Variants in ZNF827 observed in about 807,000 individuals in gnomAD.
The protein encoded by ZNF827 is zinc finger protein 827.
ZNF827 carries 13 observed loss-of-function variants against 102.4 expected under a neutral mutation model. That is an observed-to-expected ratio of 0.13 (90% CI 0.08 to 0.20). The LOEUF (loss-of-function observed/expected upper bound fraction) is 0.20. ZNF827 is among the 10% of genes least tolerant of loss of function. The pLI, the probability that ZNF827 is intolerant of heterozygous loss-of-function variation, is 1.00. For synonymous variants in ZNF827, 523 were observed against 536.2 expected (o/e 0.98, Z 0.34); for missense variants, 1,103 against 1,344.4 (o/e 0.82, Z 2.81).
chr4:145,937,226 G>T (rs1388189962), intron 1 of ZNF827, among the ~76,000 whole-genome samples: 1 of 152,066 alleles, frequency 6.6e-6, no homozygotes, highest in African/African-American at 2.4e-5. Context: ...GGGACCGGGG[G>T]CGCGGGTGGA....
intron 7 of ZNF827, among the ~76,000 whole-genome samples, chr4:145,843,663 T>C (rs1745639462): frequency 6.6e-6 from 1 of 152,200 alleles, no homozygotes; most frequent in African/African-American, 2.4e-5. Flanking sequence ...TAGATCATGC[T>C]AGTGGGGTCC....
intron 8 of ZNF827, among the ~76,000 whole-genome samples, chr4:145,807,374 AAG>A (rs1741557419): frequency 6.6e-6 from 1 of 152,210 alleles, no homozygotes; most frequent in Non-Finnish European, 1.5e-5. Flanking sequence ...AAACTAGAAG[AAG>A]AGAGACAAGG....
Position 145,843,224 on chromosome 4 carries a change from G to GAAA in ZNF827, c.2279+2729_2279+2731dup, listed in dbSNP as rs56080563. On this transcript the variant is annotated intron_variant, in intron 7 of 14. Transcript: ENST00000508784. ...TCAAGTAAGCTGCCTCTACTCAAAG[G>GAAA]AAAAAAAAAAAAACCACACCGAGGA... Among the ~76,000 whole-genome samples the GAAA allele has an allele frequency of 5.6e-5, 8 of 142,838 alleles. No homozygotes were observed. The East Asian group carries it at 8.1e-4, about 14-fold the overall frequency. The allele number at this position is 142,838 out of a possible 152,430, so 93.7% of individuals were successfully genotyped here.
Position 145,763,045 on chromosome 4 carries a change from C to T in ZNF827, c.*17+45G>A. 6.6e-7 allele frequency: 1 copy of T among 1,511,388 alleles called. No individual in the cohort carries two copies. The highest frequency in any genetic ancestry group is 8.9e-7 in the Non-Finnish European group (1 of 1,128,194). 93.6% of individuals were successfully genotyped at this position (1,511,388 alleles called of 1,614,324 possible). On this transcript the variant is annotated intron_variant, in intron 14 of 14. Transcript: ENST00000508784. This position sits in a 1 kb window ranked among gnomAD's most constrained non-coding sequence, Gnocchi z 4.6. ...CACGAGAGAAATATAAAGCCCATTCCCAGGTCAGGTGCACACACAACCCCT... is the reference window on the plus strand; with the variant it reads ...CACGAGAGAAATATAAAGCCCATTCTCAGGTCAGGTGCACACACAACCCCT...
At chr4:145,861,571 A>C (rs1013744742) in intron 5 of ZNF827, among the ~76,000 whole-genome samples, 7 of 152,202 alleles carry the variant, frequency 4.6e-5, no homozygotes, top group Admixed American at 3.9e-4. Context: ...TAACATCTGT[A>C]GTCATTTATA....
chr4:145,867,616 T>C (rs1043871783), intron 5 of ZNF827, among the ~76,000 whole-genome samples: 6 of 152,234 alleles, frequency 3.9e-5, no homozygotes, highest in African/African-American at 1.2e-4. Context: ...ACATCTTAGC[T>C]ACTCCTTGGG....
In ZNF827 at chr4:145,763,972, C is replaced by T. The variant is rs1734898019; in HGVS notation, c.3231-850G>A. 2.0e-5 allele frequency among the ~76,000 whole-genome samples: 3 copies of T among 152,130 alleles called. No homozygotes were observed. Among genetic ancestry groups the T allele is most frequent in the African/African-American group, 7.2e-5 (3 of 41,416 alleles). On this transcript the variant is annotated intron_variant, in intron 13 of 14. Coordinates refer to ENST00000508784, the MANE Select transcript of ZNF827 (RefSeq NM_001306215.2). This position sits in a 1 kb window ranked among gnomAD's most constrained non-coding sequence, Gnocchi z 4.6. ...CAGGGGCCTGGGGGGACCCAACCTG[C>T]ACTGACCCCAACACTCCACTCCCAG...
chr4:145,797,996 C>T (rs1482476977), intron 8 of ZNF827, among the ~76,000 whole-genome samples: 1 of 152,132 alleles, frequency 6.6e-6, no homozygotes, highest in Non-Finnish European at 1.5e-5. Flanking sequence ...TTCTCCCTCA[C>T]CGAATTTAAG....
At chr4:145,849,985 C>T (rs898289338) in intron 5 of ZNF827, among the ~76,000 whole-genome samples, 10 of 151,948 alleles carry the variant, frequency 6.6e-5, no homozygotes, top group Admixed American at 5.2e-4. Context: ...GAGCAAGCAT[C>T]TTAATATTAT....
intron 5 of ZNF827, among the ~76,000 whole-genome samples, chr4:145,852,329 T>G (rs1746615155): frequency 6.6e-6 from 1 of 152,228 alleles, no homozygotes; most frequent in Non-Finnish European, 1.5e-5. Flanking sequence ...TTTTAAAAGC[T>G]TCCTGGGATC....
At chr4:145,816,967 G>A (rs147532792) in intron 8 of ZNF827, among the ~76,000 whole-genome samples, 16 of 152,150 alleles carry the variant, frequency 1.1e-4, no homozygotes, top group African/African-American at 3.6e-4. Context: ...AAGCAAATGT[G>A]CACTCCTATT....
intron 8 of ZNF827, among the ~76,000 whole-genome samples, chr4:145,781,393 G>A (rs1560915050): frequency 6.6e-6 from 1 of 152,028 alleles, no homozygotes; most frequent in East Asian, 1.9e-4. Flanking sequence ...TGCCAGATAG[G>A]GAAGAAGAAA....
At chr4:145,850,224 G>A (rs1221701102) in intron 5 of ZNF827, among the ~76,000 whole-genome samples, 1 of 152,098 alleles carries the variant, frequency 6.6e-6, no homozygotes, top group Non-Finnish European at 1.5e-5. Flanking sequence ...TGACCAGGCT[G>A]GTCTTCAACT....
intron 6 of ZNF827, among the ~76,000 whole-genome samples, chr4:145,848,796 G>A (rs1405125816): frequency 6.6e-6 from 1 of 152,104 alleles, no homozygotes; most frequent in Non-Finnish European, 1.5e-5. Context: ...ACAAAAAGTT[G>A]GTTTACCGAA....
Position 145,765,696 on chromosome 4 carries a change from G to A in ZNF827, c.2903C>T (p.Ser968Leu). Residue 968 changes from serine (S) to leucine (L), a missense_variant, in exon 12 of 15, where the codon TCA becomes TTA. By Grantham distance (145) the Ser-to-Leu change is moderately radical. Coordinates refer to ENST00000508784, the MANE Select transcript of ZNF827 (RefSeq NM_001306215.2). This position sits in a 1 kb window ranked among gnomAD's most constrained non-coding sequence, Gnocchi z 4.7. ...KTPSESNSPS[S>L]SSLSALSDSA... ...ATCACTCAGAGCTGAGAGGGAGGAT[G>A]AAGAGGGGCTATTTGATTCGCTGGG... 2 of 1,614,170 alleles carry A rather than the reference G, an allele frequency of 1.2e-6. No homozygotes were observed. The highest frequency in any genetic ancestry group is 1.7e-6 in the Non-Finnish European group (2 of 1,180,016).
At position 145,938,577 on chromosome 4, in the gene ZNF827, G is replaced by T; in HGVS notation, c.-170C>A. ...TGCAATGGGTTGAAGCTTGTTTCCT[G>T]GAGCCAGAAGAGGGGTTTTCTTCTT... On this transcript the variant is annotated 5_prime_UTR_variant, in exon 1 of 15. Coordinates refer to ENST00000508784, the MANE Select transcript of ZNF827 (RefSeq NM_001306215.2). The T allele has an allele frequency of 1.8e-6, 1 of 548,108 alleles. No individual in the cohort carries two copies. Among genetic ancestry groups the T allele is most frequent in the Non-Finnish European group, 3.2e-6 (1 of 309,804 alleles). The allele number at this position is 548,108 out of a possible 1,614,324, so 34.0% of individuals were successfully genotyped here. A position where few individuals can be genotyped will look rare whatever the true frequency, so the allele number is the denominator to read the frequency against.
chr4:145,897,672 G>C (rs1236863058), intron 2 of ZNF827, among the ~76,000 whole-genome samples: 1 of 152,210 alleles, frequency 6.6e-6, no homozygotes, highest in Non-Finnish European at 1.5e-5. Flanking sequence ...TGTTATTATG[G>C]ATGCTGACTT....
rs145374791 is a variant in ZNF827 at position 145,832,250 on chromosome 4, G to A, written c.2280-8725C>T. 20 of 153,306 alleles carry A rather than the reference G, an allele frequency of 1.3e-4. No homozygotes were observed. In the East Asian group the frequency reaches 3.8e-3, roughly 29 times the overall value. 9.5% of individuals were successfully genotyped at this position (153,306 alleles called of 1,614,324 possible). ...ACTGCACTCCAGCCTGGGCGACAGGGCAAGACCTCGTCTCAAAAAAACAAA... is the reference window on the plus strand; with the variant it reads ...ACTGCACTCCAGCCTGGGCGACAGGACAAGACCTCGTCTCAAAAAAACAAA... On this transcript the variant is annotated intron_variant, in intron 7 of 14. Coordinates refer to ENST00000508784, the MANE Select transcript of ZNF827 (RefSeq NM_001306215.2).
chr4:145,884,622 C>T (rs1001326128), intron 4 of ZNF827, among the ~76,000 whole-genome samples: 1 of 152,086 alleles, frequency 6.6e-6, no homozygotes, highest in African/African-American at 2.4e-5. Flanking sequence ...AATCCTGCAA[C>T]ACACCTTATC....
Sources: gnomAD v4.1 joint callset for allele counts (sites outside exome capture counted in the v4.1 genomes callset) on GRCh38, gnomAD v4.1.1 for gene constraint, Gnocchi (gnomAD v3.1) non-coding constraint, MANE v1.5 for transcripts, NCBI Gene and HGNC (gene_info 2026-07-23, HGNC 2026-07-21) for gene names.